The following SLC41A2 variants were observed in gnomAD, a reference collection of about 807,000 sequenced individuals.
The protein encoded by SLC41A2 is solute carrier family 41 member 2.
Under a neutral mutation model 58.3 loss-of-function variants are expected in SLC41A2, and 32 were observed. The ratio of observed to expected loss-of-function variants is 0.55; its 90% CI spans 0.41 to 0.74. The LOEUF is 0.74. SLC41A2 is among the 30% of genes least tolerant of loss of function. The probability of loss-of-function intolerance (pLI) is 0.00; values close to 1 mark genes in which losing one functional copy is unlikely to be tolerated. For missense variants in SLC41A2, 514 were observed against 680.6 expected, an observed-to-expected ratio of 0.76 and a Z score of 2.72; for synonymous variants, 190 against 235.0, an observed-to-expected ratio of 0.81 and a Z score of 1.75.
At chr12:104,955,977 A>C (rs1207946158) in intron 1 of SLC41A2, among the ~76,000 whole-genome samples, 3 of 152,244 alleles carry the variant, frequency 2.0e-5, no homozygotes, top group Admixed American at 6.5e-5. Flanking sequence ...GAGAAGTTAA[A>C]CATAAATTTT....
At chr12:104,863,652 T>C (rs2043295696) in intron 7 of SLC41A2, among the ~76,000 whole-genome samples, 2 of 152,170 alleles carry the variant, frequency 1.3e-5, no homozygotes, top group African/African-American at 2.4e-5. Context: ...CTATGGCAGA[T>C]GAGGATTTGA....
intron 1 of SLC41A2, among the ~76,000 whole-genome samples, chr12:104,933,959 T>C (rs2047166574): frequency 1.3e-5 from 2 of 152,054 alleles, no homozygotes; most frequent in South Asian, 4.2e-4. Context: ...AAAAACCACC[T>C]ATTAGGTACA....
rs977664862 is a variant in SLC41A2 at position 104,928,586 on chromosome 12, A to T, written c.-59T>A. ...TCTCAAGCTTCGGGAACCACAGCAG[A>T]TGAATCAGAACCGCACAAACACTGG... On this transcript the variant is annotated 5_prime_UTR_variant, in exon 2 of 11. Coordinates refer to ENST00000258538, the MANE Select transcript of SLC41A2 (RefSeq NM_001352171.3). The T allele has an allele frequency of 2.5e-5, 29 of 1,139,042 alleles. No homozygotes were observed. The South Asian group carries it at 6.0e-4, about 23-fold the overall frequency. 70.6% of individuals were successfully genotyped at this position (1,139,042 alleles called of 1,614,324 possible).
intron 6 of SLC41A2, among the ~76,000 whole-genome samples, chr12:104,880,048 C>A (rs2044281648): frequency 6.6e-6 from 1 of 151,920 alleles, no homozygotes; most frequent in Non-Finnish European, 1.5e-5. Flanking sequence ...AGATTGATTC[C>A]TAGGTATTTT....
chr12:104,834,012 A>G, intron 10 of SLC41A2: 2 of 985,334 alleles, frequency 2.0e-6, no homozygotes, highest in Non-Finnish European at 2.4e-6. Flanking sequence ...TTGAGAAAAG[A>G]TGGTTGAGCT....
intron 10 of SLC41A2, among the ~76,000 whole-genome samples, chr12:104,821,462 T>C (rs2041635232): frequency 6.6e-6 from 1 of 152,112 alleles, no homozygotes; most frequent in Non-Finnish European, 1.5e-5. Flanking sequence ...AGAAAAATGG[T>C]TGAATACATT....
chr12:104,844,884 C>T (rs373905633), intron 9 of SLC41A2, among the ~76,000 whole-genome samples: 5 of 152,194 alleles, frequency 3.3e-5, no homozygotes, highest in Non-Finnish European at 5.9e-5. Flanking sequence ...ATCATAAAAA[C>T]AGAGAAAATA....
At chr12:104,935,966 C>A (rs1311861988) in intron 1 of SLC41A2, among the ~76,000 whole-genome samples, 1 of 151,884 alleles carries the variant, frequency 6.6e-6, no homozygotes, top group East Asian at 1.9e-4. Context: ...TTGGTTGAAC[C>A]CAGGAGGCAG....
At chr12:104,923,206 C>CAAA (rs1441308579) in intron 2 of SLC41A2, among the ~76,000 whole-genome samples, 1 of 64,326 alleles carries the variant, frequency 1.6e-5, no homozygotes, top group Non-Finnish European at 4.0e-5. Context: ...ACTAAAAGCA[C>CAAA]AAAAAATTAG....
chr12:104,843,364 T>C (rs1385961514), intron 10 of SLC41A2, among the ~76,000 whole-genome samples: 1 of 151,938 alleles, frequency 6.6e-6, no homozygotes, highest in African/African-American at 2.4e-5. Context: ...TTTAGTAAAA[T>C]CTAAGGCACT....
At chr12:104,822,021 T>C (rs1487172040) in intron 10 of SLC41A2, among the ~76,000 whole-genome samples, 3 of 152,114 alleles carry the variant, frequency 2.0e-5, no homozygotes, top group African/African-American at 7.2e-5. Context: ...TCTGAAGGAA[T>C]AATGCAAAGA....
intron 3 of SLC41A2, among the ~76,000 whole-genome samples, chr12:104,904,855 G>C (rs974492323): frequency 6.6e-6 from 1 of 152,124 alleles, no homozygotes; most frequent in Admixed American, 6.5e-5. Context: ...AAAGCAGCGT[G>C]GACCCAAAGA....
intron 1 of SLC41A2, among the ~76,000 whole-genome samples, chr12:104,931,405 G>A (rs892510362): frequency 6.6e-6 from 1 of 152,134 alleles, no homozygotes; most frequent in Non-Finnish European, 1.5e-5. Flanking sequence ...AGGAGGATCT[G>A]AGTCCCTTCC....
chr12:104,850,034 G>T (rs905567878), intron 8 of SLC41A2, among the ~76,000 whole-genome samples: 1 of 152,086 alleles, frequency 6.6e-6, no homozygotes, highest in Non-Finnish European at 1.5e-5. Flanking sequence ...GAATACACTG[G>T]TGCAGGAGAT....
In SLC41A2 at chr12:104,928,552, C is replaced by G. The variant is rs1358063446; in HGVS notation, c.-25G>C. Reference sequence around the variant, plus strand: ...TATTGTCATCACAAAAGACCCTGTACTCCTTAGATCTCAAGCTTCGGGAAC... The same window carrying G: ...TATTGTCATCACAAAAGACCCTGTAGTCCTTAGATCTCAAGCTTCGGGAAC... On this transcript the variant is annotated 5_prime_UTR_variant, in exon 2 of 11. Transcript: ENST00000258538. 1.4e-6 allele frequency: 2 copies of G among 1,398,492 alleles called. No homozygotes were observed. Among genetic ancestry groups the G allele is most frequent in the Non-Finnish European group, 1.9e-6 (2 of 1,062,174 alleles). 86.6% of individuals were successfully genotyped at this position (1,398,492 alleles called of 1,614,324 possible).
intron 3 of SLC41A2, among the ~76,000 whole-genome samples, chr12:104,904,702 G>A (rs1293746408): frequency 6.8e-6 from 1 of 146,736 alleles, no homozygotes; most frequent in African/African-American, 2.5e-5. Context: ...TGGCTCAGGA[G>A]TGAAGCTGCA....
At chr12:104,868,996 C>G (rs1017068879) in intron 6 of SLC41A2, among the ~76,000 whole-genome samples, 2 of 152,122 alleles carry the variant, frequency 1.3e-5, no homozygotes, top group Non-Finnish European at 2.9e-5. Flanking sequence ...GGAATAACTG[C>G]TAAAGTATTC....
At chr12:104,917,417 C>T (rs908911175) in intron 2 of SLC41A2, among the ~76,000 whole-genome samples, 3 of 152,110 alleles carry the variant, frequency 2.0e-5, no homozygotes, top group South Asian at 2.1e-4. Flanking sequence ...GACAGTGTGG[C>T]GATTCCTCGG....
intron 1 of SLC41A2, among the ~76,000 whole-genome samples, chr12:104,935,711 G>A (rs1333443795): frequency 6.6e-6 from 1 of 152,150 alleles, no homozygotes; most frequent in East Asian, 1.9e-4. Context: ...CCACATATAT[G>A]ATGGTGGTCC....
Sources: gnomAD v4.1 joint callset for allele counts (sites outside exome capture counted in the v4.1 genomes callset) on GRCh38, gnomAD v4.1.1 for gene constraint, MANE v1.5 for transcripts, NCBI Gene and HGNC (gene_info 2026-07-23, HGNC 2026-07-21) for gene names.